The following SOWAHC variants were observed in gnomAD, a reference collection of about 807,000 sequenced individuals.
SOWAHC encodes sosondowah ankyrin repeat domain family member C.
Under a neutral mutation model 14.4 loss-of-function variants are expected in SOWAHC, and 12 were observed. That is an observed-to-expected ratio of 0.83 (90% CI 0.53 to 1.35). SOWAHC has a LOEUF of 1.35. Ranked by LOEUF, SOWAHC falls within the 40% of genes most tolerant of loss-of-function variation. SOWAHC has a pLI of 0.00. For synonymous variants in SOWAHC, 398 were observed against 347.0 expected, an observed-to-expected ratio of 1.15 and a Z score of -1.63; for missense variants, 771 against 752.8, an observed-to-expected ratio of 1.02 and a Z score of -0.28.
At position 109,615,337 on chromosome 2, in the gene SOWAHC, T is replaced by TGG; in HGVS notation, c.849_850dup (p.Glu284GlyfsTer39). On this transcript the variant is annotated frameshift_variant, in exon 1 of 1. Transcript: ENST00000356454. LOFTEE classifies it high-confidence loss of function. ...GCCTCCGATGGCAAGTGGGACAGCC[T>TGG]GGAGGGCTTGCTCACCTGCGAGCCC... 6.2e-7 allele frequency: 1 copy of TGG among 1,612,050 alleles called. No individual in the cohort carries two copies. The highest frequency in any genetic ancestry group is 8.5e-7 in the Non-Finnish European group (1 of 1,179,746).
Position 109,617,339 on chromosome 2 carries a change from A to G in SOWAHC, c.*1272A>G, listed in dbSNP as rs1296621608. ...TTTCTATATTTAAATGCTGCTGGCTATTCCTTTGTATATAAATGAAAAATA... is the reference window on the plus strand; with the variant it reads ...TTTCTATATTTAAATGCTGCTGGCTGTTCCTTTGTATATAAATGAAAAATA... On this transcript the variant is annotated 3_prime_UTR_variant, in exon 1 of 1. Transcript: ENST00000356454. 1 of 167,084 alleles carries G rather than the reference A, an allele frequency of 6.0e-6. No homozygotes were observed. The highest frequency in any genetic ancestry group is 1.5e-5 in the Non-Finnish European group (1 of 68,110). 10.4% of individuals were successfully genotyped at this position (167,084 alleles called of 1,614,324 possible).
chr2:109,616,400 G>A lies in SOWAHC; in HGVS notation c.*333G>A. The A allele has an allele frequency of 5.1e-6, 1 of 195,232 alleles. No individual in the cohort carries two copies. Among genetic ancestry groups the A allele is most frequent in the Non-Finnish European group, 1.1e-5 (1 of 87,858 alleles). 12.1% of individuals were successfully genotyped at this position (195,232 alleles called of 1,614,324 possible). On this transcript the variant is annotated 3_prime_UTR_variant, in exon 1 of 1. Transcript: ENST00000356454. ...TCCTTTGCTTTAACCATTCCTGGATGCCTGCAAAGTAAGGAATAATGCAGT... is the reference window on the plus strand; with the variant it reads ...TCCTTTGCTTTAACCATTCCTGGATACCTGCAAAGTAAGGAATAATGCAGT...
Position 109,615,069 on chromosome 2 carries a change from G to T in SOWAHC, c.580G>T (p.Gly194Trp), listed in dbSNP as rs1220337887. Residue 194 changes from glycine (G) to tryptophan (W), a missense_variant, in exon 1 of 1, where the codon GGG (glycine) becomes TGG (tryptophan). Coordinates refer to ENST00000356454, the MANE Select transcript of SOWAHC (RefSeq NM_023016.4). ...EEADRGSSLV[G>W]ATAQRPARQN... The stretch of plus-strand genomic sequence containing the variant: ...GGCGGACAGGGGCAGCTCCCTTGTG[G>T]GGGCTACCGCACAGAGGCCGGCCCG... The T allele has an allele frequency of 6.5e-7, 1 of 1,549,284 alleles. No homozygotes were observed. The highest frequency in any genetic ancestry group is 1.4e-5 in the African/African-American group (1 of 73,034).
At position 109,617,555 on chromosome 2, in the gene SOWAHC, C is replaced by G. The variant is rs551599222; in HGVS notation, c.*1488C>G. 3.0e-5 allele frequency: 5 copies of G among 166,930 alleles called. No individual in the cohort carries two copies. The highest frequency in any genetic ancestry group is 7.3e-5 in the Non-Finnish European group (5 of 68,112). 10.3% of individuals were successfully genotyped at this position (166,930 alleles called of 1,614,324 possible). ...CAAGTCCTCCTTTAGTCTTTTGGGT[C>G]GCGTAGTTGCTGAAACCTAAGTACC... is the stretch of plus-strand genomic sequence containing the variant. On this transcript the variant is annotated 3_prime_UTR_variant, in exon 1 of 1. Coordinates refer to ENST00000356454, the MANE Select transcript of SOWAHC (RefSeq NM_023016.4).
In SOWAHC at chr2:109,615,526, A is replaced by G; in HGVS notation, c.1037A>G (p.His346Arg). Residue 346 changes from histidine to arginine, a missense_variant, in exon 1 of 1, where the codon CAC (histidine) becomes CGC (arginine). His to Arg is a conservative substitution (Grantham distance 29). Transcript: ENST00000356454. The part of the protein sequence containing the change: ...ARTSGGYTAL[H>R]LAAMHGHVEV... ...ACGAGCGGGGGTTACACCGCCCTGC[A>G]CTTGGCAGCCATGCACGGCCACGTG... 6.2e-7 allele frequency: 1 copy of G among 1,613,924 alleles called. No individual in the cohort carries two copies. Among genetic ancestry groups the G allele is most frequent in the Non-Finnish European group, 8.5e-7 (1 of 1,180,032 alleles).
In SOWAHC at chr2:109,618,525, A is replaced by G. The variant is rs546770067; in HGVS notation, c.*2458A>G. The stretch of plus-strand genomic sequence containing the variant: ...TTTTCAAAAACCCATTCCTGAGGAG[A>G]ACTACTTCTAGCATTCCTTTTCATG... On this transcript the variant is annotated 3_prime_UTR_variant, in exon 1 of 1. Coordinates refer to ENST00000356454, the MANE Select transcript of SOWAHC (RefSeq NM_023016.4). 1.3e-4 allele frequency: 22 copies of G among 167,138 alleles called. No individual in the cohort carries two copies. The highest frequency in any genetic ancestry group is 5.3e-4 in the African/African-American group (22 of 41,572). The allele number at this position is 167,138 out of a possible 1,614,324, so 10.4% of individuals were successfully genotyped here. A position where few individuals can be genotyped will look rare whatever the true frequency, so the allele number is the denominator to read the frequency against.
chr2:109,615,273 G>A lies in SOWAHC; in HGVS notation c.784G>A (p.Val262Met), dbSNP rs1323760498. Residue 262 changes from valine to methionine, a missense_variant, in exon 1 of 1, where the codon GTG becomes ATG. Transcript: ENST00000356454. The part of the protein sequence containing the change: ...AEEESSGGGS[V>M]TLDPLEHAWM... ...GGAGGAGAGCAGCGGCGGAGGCTCC[G>A]TGACGCTGGACCCCCTGGAGCACGC... 2.5e-5 allele frequency: 40 copies of A among 1,580,534 alleles called. No homozygotes were observed. The highest frequency in any genetic ancestry group is 3.2e-5 in the Non-Finnish European group (37 of 1,164,518).
Position 109,616,279 on chromosome 2 carries a change from C to A in SOWAHC, c.*212C>A, listed in dbSNP as rs867676580. 193 of 598,788 alleles carry A rather than the reference C, an allele frequency of 3.2e-4. No homozygotes were observed. In the African/African-American group the frequency reaches 3.4e-3, roughly 10 times the overall value. The allele number at this position is 598,788 out of a possible 1,614,324, so 37.1% of individuals were successfully genotyped here. A position where few individuals can be genotyped will look rare whatever the true frequency, so the allele number is the denominator to read the frequency against. The stretch of plus-strand genomic sequence containing the variant: ...CATCATACCTTGACCTGTACCTCTT[C>A]TCTGCCCTCCACTTCCCTGCCCTGG... On this transcript the variant is annotated 3_prime_UTR_variant, in exon 1 of 1. Coordinates refer to ENST00000356454, the MANE Select transcript of SOWAHC (RefSeq NM_023016.4).
At position 109,617,929 on chromosome 2, in the gene SOWAHC, G is replaced by C. The variant is rs2106440080; in HGVS notation, c.*1862G>C. The C allele has an allele frequency of 6.2e-6, 1 of 160,958 alleles. No individual in the cohort carries two copies. Among genetic ancestry groups the C allele is most frequent in the East Asian group, 2.0e-4 (1 of 5,014 alleles). 10.0% of individuals were successfully genotyped at this position (160,958 alleles called of 1,614,324 possible). ...AGCTACTTAGGAGGCTGAGGCATGA[G>C]AATCACTTAAACCTGAGAGGTGGAG... On this transcript the variant is annotated 3_prime_UTR_variant, in exon 1 of 1. Transcript: ENST00000356454.
rs2106436539 is a variant in SOWAHC at position 109,615,507 on chromosome 2, G to A, written c.1018G>A (p.Gly340Arg). The change falls in exon 1 of 1, where the codon GGG becomes AGG. Residue 340 changes from glycine to arginine, a missense_variant. Gly to Arg is a moderately radical substitution (Grantham distance 125, BLOSUM62 -2). Transcript: ENST00000356454. ...LPVNIDARTS[G>R]GYTALHLAAM... ...GGTGAACATCGACGCCAGGACGAGC[G>A]GGGGTTACACCGCCCTGCACTTGGC... 2 of 1,613,838 alleles carry A rather than the reference G, an allele frequency of 1.2e-6. No individual in the cohort carries two copies. Among genetic ancestry groups the A allele is most frequent in the East Asian group, 2.2e-5 (1 of 44,874 alleles).
chr2:109,615,611 T>TG lies in SOWAHC; in HGVS notation c.1125dup (p.Lys376GlufsTer26), dbSNP rs1488552431. 9 of 1,613,306 alleles carry TG rather than the reference T, an allele frequency of 5.6e-6. No homozygotes were observed. The highest frequency in any genetic ancestry group is 6.8e-6 in the Non-Finnish European group (8 of 1,179,596). On this transcript the variant is annotated frameshift_variant, in exon 1 of 1. Transcript: ENST00000356454. LOFTEE classifies it high-confidence loss of function. ...CCGATGTGGACATCAGGGACTACAG[T>TG]GGGAAAAAGGCCTCCCAGTACCTGA...
In SOWAHC at chr2:109,614,939, CG is replaced by C; in HGVS notation, c.454del (p.Ala152LeufsTer58). On this transcript the variant is annotated frameshift_variant, in exon 1 of 1. Transcript: ENST00000356454. LOFTEE classifies it low-confidence loss of function (END_TRUNC). The stretch of plus-strand genomic sequence containing the variant: ...CCGCGCACTGGCCGCCCCTGAGCGC[CG>C]GGGCTCGCAGGAAGAACTCGCGGCG... ...APAHWPPLSA[G>X]ARRKNSRRDV... The C allele has an allele frequency of 6.6e-7, 1 of 1,514,326 alleles. No homozygotes were observed. Among genetic ancestry groups the C allele is most frequent in the Non-Finnish European group, 8.8e-7 (1 of 1,136,766 alleles). The allele number at this position is 1,514,326 out of a possible 1,614,324, so 93.8% of individuals were successfully genotyped here.
Position 109,615,078 on chromosome 2 carries a change from G to A in SOWAHC, c.589G>A (p.Ala197Thr), listed in dbSNP as rs1024328577. The change falls in exon 1 of 1, where the codon GCA (alanine) becomes ACA (threonine). Residue 197 changes from alanine to threonine, a missense_variant. Coordinates refer to ENST00000356454, the MANE Select transcript of SOWAHC (RefSeq NM_023016.4). ...GGGCAGCTCCCTTGTGGGGGCTACC[G>A]CACAGAGGCCGGCCCGCCAGAACCT... ...DRGSSLVGAT[A>T]QRPARQNLRD... 10 of 1,549,386 alleles carry A rather than the reference G, an allele frequency of 6.5e-6. No individual in the cohort carries two copies. In the Admixed American group the frequency reaches 9.8e-5, roughly 15 times the overall value.
Position 109,614,640 on chromosome 2 carries a change from C to G in SOWAHC, c.151C>G (p.Arg51Gly), listed in dbSNP as rs1409903413. Reference sequence around the variant, plus strand: ...AGGCGGCGAACCGGAGCAGCGCGCCCGCGCCCGCGCGCACTTCAAGGAGCT... The same window carrying G: ...AGGCGGCGAACCGGAGCAGCGCGCCGGCGCCCGCGCGCACTTCAAGGAGCT... ...ALGGEPEQRA[R>G]ARAHFKELVN... The change falls in exon 1 of 1, where the codon CGC becomes GGC. Residue 51 changes from arginine (R) to glycine (G), a missense_variant. Arg to Gly is a moderately radical substitution (Grantham distance 125). Transcript: ENST00000356454. The G allele has an allele frequency of 3.4e-6, 5 of 1,467,120 alleles. No individual in the cohort carries two copies. Among genetic ancestry groups the G allele is most frequent in the Non-Finnish European group, 2.7e-6 (3 of 1,113,518 alleles). 90.9% of individuals were successfully genotyped at this position (1,467,120 alleles called of 1,614,324 possible).
chr2:109,615,425 C>G lies in SOWAHC; in HGVS notation c.936C>G (p.His312Gln). 6.2e-7 allele frequency: 1 copy of G among 1,613,084 alleles called. No homozygotes were observed. The highest frequency in any genetic ancestry group is 8.5e-7 in the Non-Finnish European group (1 of 1,180,034). ...CTTGCCTGCACTGGGCCGCCAAGCA[C>G]GGCAGGCAGGAGCTTCTGGCCATGC... ...GFTCLHWAAKHGRQELLAMLV... is the reference protein window; with the variant it reads ...GFTCLHWAAKQGRQELLAMLV... The change falls in exon 1 of 1, where the codon CAC (histidine) becomes CAG (glutamine). Residue 312 changes from histidine (H) to glutamine (Q), a missense_variant. By Grantham distance (24) the His-to-Gln change is conservative. Coordinates refer to ENST00000356454, the MANE Select transcript of SOWAHC (RefSeq NM_023016.4).
chr2:109,614,800 A>T lies in SOWAHC; in HGVS notation c.311A>T (p.Glu104Val), dbSNP rs1453326909. ...CGAATCCAGGTGACCGCCGAGCCCG[A>T]GGCCCCCGACGGCCCTGCCGGGCCC... ...PPRIQVTAEP[E>V]APDGPAGPEA... Residue 104 changes from glutamate to valine, a missense_variant, in exon 1 of 1, where the codon GAG becomes GTG. By Grantham distance (121) the Glu-to-Val change is moderately radical. Coordinates refer to ENST00000356454, the MANE Select transcript of SOWAHC (RefSeq NM_023016.4). 1.1e-5 allele frequency: 16 copies of T among 1,470,474 alleles called. No homozygotes were observed. In the South Asian group the frequency reaches 1.8e-4, roughly 17 times the overall value. 91.1% of individuals were successfully genotyped at this position (1,470,474 alleles called of 1,614,324 possible). A position where few individuals can be genotyped will look rare whatever the true frequency, so the allele number is the denominator to read the frequency against.
At position 109,615,303 on chromosome 2, in the gene SOWAHC, A is replaced by T. The variant is rs1452203766; in HGVS notation, c.814A>T (p.Met272Leu). Residue 272 changes from methionine to leucine, a missense_variant, in exon 1 of 1, where the codon ATG (methionine) becomes TTG (leucine). Physicochemically the swap from Met to Leu is conservative, Grantham distance 15. Coordinates refer to ENST00000356454, the MANE Select transcript of SOWAHC (RefSeq NM_023016.4). Reference sequence around the variant, plus strand: ...GCTGGACCCCCTGGAGCACGCGTGGATGCTCTCTGCCTCCGATGGCAAGTG... The same window carrying T: ...GCTGGACCCCCTGGAGCACGCGTGGTTGCTCTCTGCCTCCGATGGCAAGTG... Reference protein sequence around the residue: ...VTLDPLEHAWMLSASDGKWDS... With the variant: ...VTLDPLEHAWLLSASDGKWDS... 1 of 1,604,464 alleles carries T rather than the reference A, an allele frequency of 6.2e-7. No individual in the cohort carries two copies. The highest frequency in any genetic ancestry group is 1.3e-5 in the African/African-American group (1 of 74,726).
At position 109,614,702 on chromosome 2, in the gene SOWAHC, C is replaced by A. The variant is rs769892066; in HGVS notation, c.213C>A (p.Ala71=). The A allele has an allele frequency of 2.8e-5, 42 of 1,488,548 alleles. No individual in the cohort carries two copies. In the Middle Eastern group the frequency reaches 5.5e-4, roughly 19 times the overall value. The allele number at this position is 1,488,548 out of a possible 1,614,324, so 92.2% of individuals were successfully genotyped here. A position where few individuals can be genotyped will look rare whatever the true frequency, so the allele number is the denominator to read the frequency against. The change falls in exon 1 of 1, where the codon GCC becomes GCA. Residue 71 remains alanine, a synonymous_variant. Transcript: ENST00000356454. ...TGGCCACTGTGCGCGTCGATCCCGC[C>A]GACGGCGCCAAGTACGTGCACCTCA... ...NAVATVRVDP[A]DGAKYVHLKK... is the part of the protein sequence containing the mutation.
chr2:109,615,455 C>T lies in SOWAHC; in HGVS notation c.966C>T (p.Val322=), dbSNP rs1171887250. The T allele has an allele frequency of 6.2e-7, 1 of 1,613,282 alleles. No individual in the cohort carries two copies. The highest frequency in any genetic ancestry group is 8.5e-7 in the Non-Finnish European group (1 of 1,180,042). Residue 322 remains valine (V), a synonymous_variant, in exon 1 of 1, where the codon GTC becomes GTT. Transcript: ENST00000356454. The part of the protein sequence containing the change: ...HGRQELLAML[V]NFANKHQLPV... ...GGCAGGAGCTTCTGGCCATGCTAGTCAACTTCGCCAACAAACACCAGCTGC... is the reference window on the plus strand; with the variant it reads ...GGCAGGAGCTTCTGGCCATGCTAGTTAACTTCGCCAACAAACACCAGCTGC...
Sources: allele counts gnomAD v4.1 joint callset, GRCh38; gene constraint gnomAD v4.1.1; transcripts MANE v1.5; gene names NCBI Gene and HGNC (gene_info 2026-07-23, HGNC 2026-07-21).